Variants in MYL3 observed in about 807,000 individuals in gnomAD.
MYL3 encodes myosin light chain 3.
A neutral mutation model predicts 21.3 loss-of-function variants in MYL3; 11 were observed. That is an observed-to-expected ratio of 0.52 (90% CI 0.32 to 0.85). The LOEUF is 0.85. MYL3 is among the 40% of genes least tolerant of loss of function. The pLI is 0.03. For synonymous variants in MYL3, 88 were observed against 91.6 expected, an observed-to-expected ratio of 0.96 and a Z score of 0.22; for missense variants, 206 against 253.3, an observed-to-expected ratio of 0.81 and a Z score of 1.27.
intron 1 of MYL3, among the ~76,000 whole-genome samples, chr3:46,868,817 GA>G (rs2106920792): frequency 6.6e-6 from 1 of 152,312 alleles, no homozygotes; most frequent in South Asian, 2.1e-4. Context: ...GAGGGAGATT[GA>G]AAATGTGTCT....
chr3:46,869,410 G>A (rs1041803947), intron 1 of MYL3, among the ~76,000 whole-genome samples: 1 of 152,134 alleles, frequency 6.6e-6, no homozygotes, highest in Admixed American at 6.5e-5. Context: ...GCTGCCCTGG[G>A]TGCTGGGCTG....
In MYL3 at chr3:46,860,911, G is replaced by A; in HGVS notation, c.157+49C>T. ...ACCCCTGGCAGGACCCTCAGACCAGGGAACCCCAGCCCAATCCTGCAACCC... is the reference window on the plus strand; with the variant it reads ...ACCCCTGGCAGGACCCTCAGACCAGAGAACCCCAGCCCAATCCTGCAACCC... On this transcript the variant is annotated intron_variant, in intron 2 of 6. Transcript: ENST00000292327. This position sits in a 1 kb window ranked among gnomAD's most constrained non-coding sequence, Gnocchi z 4.6. 6.2e-7 allele frequency: 1 copy of A among 1,613,928 alleles called. No individual in the cohort carries two copies. Among genetic ancestry groups the A allele is most frequent in the Non-Finnish European group, 8.5e-7 (1 of 1,179,958 alleles).
chr3:46,871,041 T>C (rs570079816), intron 1 of MYL3, among the ~76,000 whole-genome samples: 1 of 152,326 alleles, frequency 6.6e-6, no homozygotes, highest in African/African-American at 2.4e-5. Flanking sequence ...CATATACTTT[T>C]GCACACATGT....
At position 46,879,370 on chromosome 3, in the gene MYL3, G is replaced by A. The variant is rs867333903; in HGVS notation, c.-218+2704C>T. Among the ~76,000 whole-genome samples, 23 of 152,166 alleles carry A rather than the reference G, an allele frequency of 1.5e-4. No individual in the cohort carries two copies. Among genetic ancestry groups the A allele is most frequent in the African/African-American group, 5.3e-4 (22 of 41,426 alleles). On this transcript the variant is annotated intron_variant, in intron 1 of 3. Transcript: ENST00000431168. This position sits in a 1 kb window ranked among gnomAD's most constrained non-coding sequence, Gnocchi z 4.7. Reference sequence around the variant, plus strand: ...CAGTCCTTCCAATCCCTCCATTAATGTTCTTTTCTCATCACCAAGGGGGAA... The same window carrying A: ...CAGTCCTTCCAATCCCTCCATTAATATTCTTTTCTCATCACCAAGGGGGAA...
In MYL3 at chr3:46,858,884, G is replaced by T. The variant is rs564330468; in HGVS notation, c.482-423C>A. ...CCTCCGTACTTCTGTGTGCTGTGCTGGCCCCCCTTCAAAATGCCAGCCGCA... is the reference window on the plus strand; with the variant it reads ...CCTCCGTACTTCTGTGTGCTGTGCTTGCCCCCCTTCAAAATGCCAGCCGCA... On this transcript the variant is annotated intron_variant, in intron 4 of 6. Transcript: ENST00000292327. Among the ~76,000 whole-genome samples, 4 of 152,236 alleles carry T rather than the reference G, an allele frequency of 2.6e-5. No individual in the cohort carries two copies. In the South Asian group the frequency reaches 8.3e-4, roughly 32 times the overall value.
intron 1 of MYL3, among the ~76,000 whole-genome samples, chr3:46,877,583 C>T (rs1405339713): frequency 6.6e-6 from 1 of 152,238 alleles, no homozygotes; most frequent in Non-Finnish European, 1.5e-5. Flanking sequence ...CACCGGCACA[C>T]TTGGATCTGC....
intron 1 of MYL3, among the ~76,000 whole-genome samples, chr3:46,878,827 C>T (rs2030386559): frequency 6.6e-6 from 1 of 152,134 alleles, no homozygotes; most frequent in Non-Finnish European, 1.5e-5. Flanking sequence ...TACTGCAGTT[C>T]TGAGATCCAG....
In MYL3 at chr3:46,861,958, C is replaced by T. The variant is rs1385538298; in HGVS notation, c.130-971G>A. On this transcript the variant is annotated intron_variant, in intron 1 of 6. Coordinates refer to ENST00000292327, the MANE Select transcript of MYL3 (RefSeq NM_000258.3). The surrounding 1 kb of genome is among the most constrained non-coding windows in gnomAD (Gnocchi z 4.2). ...GTCCCTCCTGGCTTCTGGCTTGACC[C>T]AGTGTTGGGAAGAACAGGTTGTCAT... Among the ~76,000 whole-genome samples the T allele has an allele frequency of 2.0e-5, 3 of 152,178 alleles. No homozygotes were observed. Among genetic ancestry groups the T allele is most frequent in the African/African-American group, 7.2e-5 (3 of 41,448 alleles).
chr3:46,877,169 G>A (rs59227639), intron 1 of MYL3, among the ~76,000 whole-genome samples: 2 of 152,148 alleles, frequency 1.3e-5, no homozygotes, highest in Admixed American at 6.5e-5. Context: ...GGCTGTAGGG[G>A]TCAGGACACG....
chr3:46,873,761 G>C (rs902419049), intron 1 of MYL3, among the ~76,000 whole-genome samples: 2 of 152,180 alleles, frequency 1.3e-5, no homozygotes, highest in African/African-American at 4.8e-5. Flanking sequence ...TGGGACTGGG[G>C]GAAGCCTAGA....
chr3:46,877,448 G>C (rs2106932280), intron 1 of MYL3, among the ~76,000 whole-genome samples: 1 of 152,296 alleles, frequency 6.6e-6, no homozygotes, highest in South Asian at 2.1e-4. Context: ...CTAAGAGAGA[G>C]GCATGGCAGG....
rs1439499055 is a variant in MYL3 at position 46,879,579 on chromosome 3, C to T, written c.-218+2495G>A. Among the ~76,000 whole-genome samples the T allele has an allele frequency of 1.3e-5, 2 of 150,002 alleles. No homozygotes were observed. The highest frequency in any genetic ancestry group is 3.0e-5 in the Non-Finnish European group (2 of 67,396). Reference sequence around the variant, plus strand: ...GCAACAAAGTGAGACCTCGTCTCTACAAAAAAAAAATTTTTTAATTACCCA... The same window carrying T: ...GCAACAAAGTGAGACCTCGTCTCTATAAAAAAAAAATTTTTTAATTACCCA... On this transcript the variant is annotated intron_variant, in intron 1 of 3. Coordinates refer to the MYL3 transcript ENST00000431168. The surrounding 1 kb of genome is among the most constrained non-coding windows in gnomAD (Gnocchi z 4.7).
chr3:46,873,760 G>C (rs945029679), intron 1 of MYL3, among the ~76,000 whole-genome samples: 2 of 152,170 alleles, frequency 1.3e-5, no homozygotes, highest in African/African-American at 2.4e-5. Context: ...GTGGGACTGG[G>C]GGAAGCCTAG....
At position 46,860,641 on chromosome 3, in the gene MYL3, C is replaced by T; in HGVS notation, c.307+35G>A. 1.2e-6 allele frequency: 2 copies of T among 1,610,360 alleles called. No individual in the cohort carries two copies. The highest frequency in any genetic ancestry group is 1.7e-6 in the Non-Finnish European group (2 of 1,179,930). ...GCCCACCCAGCCAGTCTCCCCGGTA[C>T]TAACACTATGGGGGCTCTCGGGCAG... is the stretch of plus-strand genomic sequence containing the variant. On this transcript the variant is annotated intron_variant, in intron 3 of 6. Coordinates refer to ENST00000292327, the MANE Select transcript of MYL3 (RefSeq NM_000258.3). This position sits in a 1 kb window ranked among gnomAD's most constrained non-coding sequence, Gnocchi z 4.6.
chr3:46,880,604 G>A (rs1328436639), intron 1 of MYL3, among the ~76,000 whole-genome samples: 3 of 152,150 alleles, frequency 2.0e-5, no homozygotes, highest in African/African-American at 7.2e-5. Context: ...AGCCAGGTTG[G>A]TGGTACACAC....
In MYL3 at chr3:46,859,060, C is replaced by G. The variant is rs112919555; in HGVS notation, c.481+415G>C. On this transcript the variant is annotated intron_variant, in intron 4 of 6. Coordinates refer to ENST00000292327, the MANE Select transcript of MYL3 (RefSeq NM_000258.3). The surrounding 1 kb of genome is among the most constrained non-coding windows in gnomAD (Gnocchi z 4.1). ...AGAGGGACCCCCTGCTGCAGGCAGC[C>G]GATGGTAGGGGTATAAGTGGGAGGT... Among the ~76,000 whole-genome samples the G allele has an allele frequency of 6.6e-6, 1 of 152,076 alleles. No individual in the cohort carries two copies. Among genetic ancestry groups the G allele is most frequent in the Non-Finnish European group, 1.5e-5 (1 of 68,012 alleles).
At chr3:46,866,937 A>C (rs1450411955), upstream of MYL3, among the ~76,000 whole-genome samples, 1 of 152,210 alleles carries the variant, frequency 6.6e-6, no homozygotes, top group East Asian at 1.9e-4. Flanking sequence ...GGGGCGCAGA[A>C]GGGATGGGAA....
upstream of MYL3, chr3:46,866,522 G>C (rs1187175474): frequency 1.3e-5 from 2 of 152,246 alleles, no homozygotes; most frequent in Non-Finnish European, 2.9e-5. Context: ...CGTCTTCCGT[G>C]TGTCCGCCTT....
Position 46,859,237 on chromosome 3 carries a change from C to T in MYL3, c.481+238G>A, listed in dbSNP as rs1038860349. On this transcript the variant is annotated intron_variant, in intron 4 of 6. Transcript: ENST00000292327. The surrounding 1 kb of genome is among the most constrained non-coding windows in gnomAD (Gnocchi z 4.1). ...TGGGAAGGAGGGGAGCATATCAAGACGGCTCCTTCCTGCCCTGCTCTGTCC... is the reference window on the plus strand; with the variant it reads ...TGGGAAGGAGGGGAGCATATCAAGATGGCTCCTTCCTGCCCTGCTCTGTCC... Among the ~76,000 whole-genome samples the T allele has an allele frequency of 5.3e-5, 8 of 152,122 alleles. No individual in the cohort carries two copies. Among genetic ancestry groups the T allele is most frequent in the African/African-American group, 9.7e-5 (4 of 41,430 alleles).
Sources: allele counts gnomAD v4.1 joint callset (sites outside exome capture counted in the v4.1 genomes callset), GRCh38; gene constraint gnomAD v4.1.1; non-coding constraint Gnocchi (gnomAD v3.1); transcripts MANE v1.5; gene names NCBI Gene and HGNC (gene_info 2026-07-23, HGNC 2026-07-21).